GABRB2: variants seen among roughly 807,000 people sequenced by gnomAD.
GABRB2 encodes the protein gamma-aminobutyric acid type A receptor subunit beta2, also known as gamma-aminobutyric acid receptor subunit beta-2.
In GABRB2, 16 loss-of-function variants were observed where a neutral mutation model predicts 54.7. That is an observed-to-expected ratio of 0.29 (90% CI 0.20 to 0.44). The LOEUF (loss-of-function observed/expected upper bound fraction) is 0.44, where lower values mean the gene tolerates loss of function less well. Ranked by LOEUF, GABRB2 falls within the 20% of genes least tolerant of loss-of-function variation. GABRB2 has a pLI of 1.00. For synonymous variants in GABRB2, 244 were observed against 233.8 expected (o/e 1.04, Z -0.40); for missense variants, 355 against 644.0 (o/e 0.55, Z 4.86).
At chr5:161,511,278 T>C (rs543951119) in intron 3 of GABRB2, among the ~76,000 whole-genome samples, 30 of 152,164 alleles carry the variant, frequency 2.0e-4, no homozygotes, top group African/African-American at 6.5e-4. Context: ...AACTCTGTTA[T>C]GTTTATATCT....
At chr5:161,418,988 A>G (rs1756766561) in intron 4 of GABRB2, among the ~76,000 whole-genome samples, 1 of 152,096 alleles carries the variant, frequency 6.6e-6, no homozygotes, top group African/African-American at 2.4e-5. Flanking sequence ...TTAGCTGGGC[A>G]TGGTGGCATA....
intron 3 of GABRB2, among the ~76,000 whole-genome samples, chr5:161,484,421 C>T (rs756657474): frequency 2.6e-5 from 4 of 151,942 alleles, no homozygotes; most frequent in Non-Finnish European, 5.9e-5. Flanking sequence ...CACACTTCTC[C>T]ACTGAGAAAT....
In GABRB2 at chr5:161,363,987, T is replaced by C. The variant is rs183593194; in HGVS notation, c.542-27218A>G. On this transcript the variant is annotated intron_variant, in intron 5 of 9. Coordinates refer to ENST00000393959, the MANE Select transcript of GABRB2 (RefSeq NM_001371727.1). ...TTGTATGTTTTCGTAAGATTCATTT[T>C]CCTGTTTCACATTTTATCCAGGGTG... Among the ~76,000 whole-genome samples the C allele has an allele frequency of 9.5e-4, 144 of 152,340 alleles. 1 individual carries two copies. Among genetic ancestry groups the C allele is most frequent in the African/African-American group, 3.3e-3 (139 of 41,582 alleles).
intron 5 of GABRB2, among the ~76,000 whole-genome samples, chr5:161,375,229 A>G (rs926744629): frequency 1.3e-5 from 2 of 152,320 alleles, no homozygotes; most frequent in South Asian, 2.1e-4. Context: ...GAAAGAGAGC[A>G]AGTTTAAATC....
intron 2 of GABRB2, 87 bp downstream of exon 2, chr5:161,546,235 C>A: frequency 9.5e-7 from 1 of 1,052,970 alleles, no homozygotes; most frequent in Non-Finnish European, 1.5e-6. Context: ...CATGCACCCA[C>A]AACTAGGGAG....
rs774391847 is a variant in GABRB2 at position 161,294,212 on chromosome 5, G to A, written c.1408C>T (p.Arg470Cys). 6.2e-7 allele frequency: 1 copy of A among 1,614,114 alleles called. No individual in the cohort carries two copies. Among genetic ancestry groups the A allele is most frequent in the South Asian group, 1.1e-5 (1 of 91,090 alleles). ...ATGGTGATTTTCAGTTGGGAGGCGC[G>A]TCTCCTCAGGCGACTTTTCTTTTGC... ...VAQKKSRLRRRASQLKITIPD... is the reference protein window; with the variant it reads ...VAQKKSRLRRCASQLKITIPD... Residue 470 changes from arginine (R) to cysteine (C), a missense_variant, in exon 10 of 10, where the codon CGC becomes TGC. Around this residue, in one of 6 missense-constraint regions of GABRB2, gnomAD observed 201 missense variants for 228.1 expected, o/e 0.88. Transcript: ENST00000393959.
chr5:161,303,333 G>A (rs1757591075), intron 9 of GABRB2, among the ~76,000 whole-genome samples: 1 of 152,112 alleles, frequency 6.6e-6, no homozygotes. Flanking sequence ...TTGTTGTTTT[G>A]ATTCTTAAAT....
intron 5 of GABRB2, among the ~76,000 whole-genome samples, chr5:161,376,114 T>C (rs1268049704): frequency 6.6e-6 from 1 of 152,210 alleles, no homozygotes; most frequent in Non-Finnish European, 1.5e-5. Flanking sequence ...TAAATGGTTC[T>C]GCATTCATCA....
rs148484933 is a variant in GABRB2 at position 161,449,834 on chromosome 5, C to A, written c.458+9790G>T. Among the ~76,000 whole-genome samples, 82 of 151,902 alleles carry A rather than the reference C, an allele frequency of 5.4e-4. 2 individuals are homozygous for A. The East Asian group carries it at 0.012, about 23-fold the overall frequency. On this transcript the variant is annotated intron_variant, in intron 4 of 9. Coordinates refer to ENST00000393959, the MANE Select transcript of GABRB2 (RefSeq NM_001371727.1). The stretch of plus-strand genomic sequence containing the variant: ...AATTTTAAACATCTACTGGGAAATA[C>A]TTTGCTAAAAAAAAAATAGAGTAAA...
chr5:161,315,425 C>T (rs973250897), intron 9 of GABRB2, among the ~76,000 whole-genome samples: 1 of 152,054 alleles, frequency 6.6e-6, no homozygotes, highest in East Asian at 1.9e-4. Flanking sequence ...CATGTTTCAT[C>T]AATGACTTCC....
intron 5 of GABRB2, among the ~76,000 whole-genome samples, chr5:161,352,387 A>C (rs1022738924): frequency 6.6e-6 from 1 of 152,084 alleles, no homozygotes; most frequent in African/African-American, 2.4e-5. Context: ...GACAAAAAAA[A>C]AATCCTGTCA....
chr5:161,325,698 AT>A (rs1161711767), intron 9 of GABRB2, among the ~76,000 whole-genome samples: 2 of 152,186 alleles, frequency 1.3e-5, no homozygotes, highest in South Asian at 2.1e-4. Context: ...TTGGAGGGCA[AT>A]ATGAATGACA....
At chr5:161,509,880 C>G (rs1400412640) in intron 3 of GABRB2, among the ~76,000 whole-genome samples, 1 of 151,952 alleles carries the variant, frequency 6.6e-6, no homozygotes, top group Non-Finnish European at 1.5e-5. Flanking sequence ...CCTGCATGAT[C>G]TTTCTATAAC....
chr5:161,293,318 C>T lies in GABRB2; in HGVS notation c.*763G>A, dbSNP rs1241987018. The T allele has an allele frequency of 2.6e-5, 4 of 152,242 alleles. No individual in the cohort carries two copies. Among genetic ancestry groups the T allele is most frequent in the African/African-American group, 9.7e-5 (4 of 41,450 alleles). The allele number at this position is 152,242 out of a possible 1,614,324, so 9.4% of individuals were successfully genotyped here. A position where few individuals can be genotyped will look rare whatever the true frequency, so the allele number is the denominator to read the frequency against. Reference sequence around the variant, plus strand: ...CTTGCTTGCTTTTTGTTACAACCGTCGTTTCTGATTTTCTACTCTGCTCTG... The same window carrying T: ...CTTGCTTGCTTTTTGTTACAACCGTTGTTTCTGATTTTCTACTCTGCTCTG... On this transcript the variant is annotated 3_prime_UTR_variant, in exon 10 of 10. Coordinates refer to ENST00000393959, the MANE Select transcript of GABRB2 (RefSeq NM_001371727.1).
At chr5:161,502,530 T>C (rs780873338) in intron 3 of GABRB2, among the ~76,000 whole-genome samples, 3 of 152,154 alleles carry the variant, frequency 2.0e-5, no homozygotes, top group African/African-American at 4.8e-5. Context: ...CTCTCTCTAC[T>C]GCCTACTTTA....
chr5:161,399,951 C>T (rs1194187864), intron 5 of GABRB2, among the ~76,000 whole-genome samples: 1 of 152,128 alleles, frequency 6.6e-6, no homozygotes, highest in African/African-American at 2.4e-5. Context: ...ATGTAATTTT[C>T]ATGGAGCTGG....
chr5:161,309,065 A>G lies in GABRB2; in HGVS notation c.1192-14637T>C, dbSNP rs1468743976. ...CGGCAAACAAAACTATCAACAGAGT[A>G]AACAACTTACAGAATGAGAGAACAT... On this transcript the variant is annotated intron_variant, in intron 9 of 9. Transcript: ENST00000393959. 2.6e-5 allele frequency among the ~76,000 whole-genome samples: 4 copies of G among 152,200 alleles called. No individual in the cohort carries two copies. In the South Asian group the frequency reaches 8.3e-4, roughly 31 times the overall value.
intron 4 of GABRB2, among the ~76,000 whole-genome samples, chr5:161,452,706 A>G (rs904409033): frequency 2.0e-5 from 3 of 151,752 alleles, no homozygotes; most frequent in Non-Finnish European, 4.4e-5. Flanking sequence ...TTTTTTTTTA[A>G]TTGTAGGCCA....
intron 9 of GABRB2, among the ~76,000 whole-genome samples, chr5:161,320,662 A>T (rs1199082082): frequency 6.6e-6 from 1 of 151,802 alleles, no homozygotes; most frequent in African/African-American, 2.4e-5. Flanking sequence ...GTTTTTTCCC[A>T]TGACTTTATT....
Sources: allele counts gnomAD v4.1 joint callset (sites outside exome capture counted in the v4.1 genomes callset), GRCh38; gene constraint gnomAD v4.1.1; regional missense constraint gnomAD v4.1.1; transcripts MANE v1.5; gene names NCBI Gene and HGNC (gene_info 2026-07-23, HGNC 2026-07-21).